Variants in AMMECR1 observed in about 807,000 individuals in gnomAD.
The protein encoded by AMMECR1 is AMMECR nuclear protein 1.
In AMMECR1, 3 loss-of-function variants were observed where a neutral mutation model predicts 22.5. The observed-to-expected ratio is 0.13, with a 90% CI of 0.06 to 0.35. The LOEUF (loss-of-function observed/expected upper bound fraction) is 0.35, where lower values mean the gene tolerates loss of function less well. AMMECR1 is among the 10% of genes least tolerant of loss of function. The pLI is 1.00. For synonymous variants in AMMECR1, 130 were observed against 116.7 expected (o/e 1.11, Z -0.74); for missense variants, 235 against 278.7 (o/e 0.84, Z 1.12).
intron 1 of AMMECR1, among the ~76,000 whole-genome samples, chrX:110,437,231 G>T (rs192574823): frequency 8.9e-6 from 1 of 111,971 alleles, no homozygotes; most frequent in East Asian, 2.8e-4. Context: ...GCAGTTGTGA[G>T]ACTTGCACTG....
intron 2 of AMMECR1, among the ~76,000 whole-genome samples, chrX:110,368,896 C>G (rs2068316777): frequency 8.9e-6 from 1 of 111,890 alleles, no homozygotes; most frequent in South Asian, 3.8e-4. Context: ...TATCCTTCAT[C>G]ATCTGCAGCA....
intron 2 of AMMECR1, among the ~76,000 whole-genome samples, chrX:110,334,811 T>C (rs767835172): frequency 8.9e-6 from 1 of 112,205 alleles, no homozygotes; most frequent in Admixed American, 9.4e-5. Context: ...TGATGCCTCA[T>C]GTTCTGGACC....
chrX:110,223,840 A>T (rs2067517333), intron 2 of AMMECR1, among the ~76,000 whole-genome samples: 1 of 111,967 alleles, frequency 8.9e-6, no homozygotes, highest in Non-Finnish European at 1.9e-5. Context: ...CTAGAACATA[A>T]CATATTACAA....
At chrX:110,395,779 T>A (rs142682211) in intron 2 of AMMECR1, among the ~76,000 whole-genome samples, 6,050 of 110,735 alleles carry the variant, frequency 0.055, 406 homozygotes, top group African/African-American at 0.19. Flanking sequence ...GGGACCTACA[T>A]GAGTTGCCCA....
At chrX:110,232,233 A>T (rs748722313) in intron 2 of AMMECR1, among the ~76,000 whole-genome samples, 1 of 111,894 alleles carries the variant, frequency 8.9e-6, no homozygotes, top group South Asian at 3.8e-4. Context: ...GCACTACATC[A>T]CACTTATTCT....
At chrX:110,283,976 G>C (rs1438888289) in intron 1 of AMMECR1, among the ~76,000 whole-genome samples, 1 of 110,521 alleles carries the variant, frequency 9.0e-6, no homozygotes, top group Admixed American at 9.6e-5. Context: ...ACAAAAATTA[G>C]CTGGGCGTGG....
intron 2 of AMMECR1, among the ~76,000 whole-genome samples, chrX:110,340,015 C>T (rs1174853848): frequency 9.3e-6 from 1 of 108,105 alleles, no homozygotes; most frequent in African/African-American, 3.4e-5. Flanking sequence ...CACACACACA[C>T]ACACAACATA....
At chrX:110,350,120 T>C (rs940796668) in intron 2 of AMMECR1, among the ~76,000 whole-genome samples, 12 of 112,312 alleles carry the variant, frequency 1.1e-4, no homozygotes, top group African/African-American at 3.9e-4. Context: ...TGAAGTGAAA[T>C]GTTCCCAGTT....
Position 110,342,384 on chromosome X carries a change from T to C in AMMECR1, c.-147-24535A>G, listed in dbSNP as rs1319937378. On this transcript the variant is annotated intron_variant, in intron 2 of 7. Transcript: ENST00000372057. ...ATACATTAAAATGAATATTCTTTTT[T>C]TTTTGAGACAGAGTCTCACTCTGTC... Among the ~76,000 whole-genome samples the C allele has an allele frequency of 4.5e-5, 5 of 110,913 alleles. No homozygotes were observed. The South Asian group carries it at 1.2e-3, about 26-fold the overall frequency.
chrX:110,383,889 T>C (rs1314212153), intron 2 of AMMECR1, among the ~76,000 whole-genome samples: 5 of 112,160 alleles, frequency 4.5e-5, no homozygotes, highest in African/African-American at 1.6e-4. Flanking sequence ...TTTGAGTTCT[T>C]ACTCTGCCAC....
rs985681637 is a variant in AMMECR1 at position 110,197,257 on chromosome X, G to A, written c.*1263C>T. The A allele has an allele frequency of 8.9e-6, 1 of 112,187 alleles. No homozygotes were observed. The highest frequency in any genetic ancestry group is 3.2e-5 in the African/African-American group (1 of 30,837). 9.2% of individuals were successfully genotyped at this position (112,187 alleles called of 1,213,427 possible). ...AATGTGTTTCTATCAAAAGTATGTA[G>A]TGCAGAAAGAAATTCAAGCTATTTT... On this transcript the variant is annotated 3_prime_UTR_variant, in exon 6 of 6. Coordinates refer to ENST00000262844, the MANE Select transcript of AMMECR1 (RefSeq NM_015365.3).
intron 2 of AMMECR1, among the ~76,000 whole-genome samples, chrX:110,416,348 G>A (rs750272550): frequency 8.0e-5 from 9 of 112,349 alleles, no homozygotes; most frequent in African/African-American, 2.9e-4. Flanking sequence ...ACGAACCGTT[G>A]TTTAATGTTT....
intron 2 of AMMECR1, among the ~76,000 whole-genome samples, chrX:110,396,181 G>C (rs2068527177): frequency 1.8e-5 from 2 of 110,403 alleles, no homozygotes; most frequent in Admixed American, 9.6e-5. Context: ...CGAATGAATG[G>C]GGCTGAACCC....
intron 2 of AMMECR1, among the ~76,000 whole-genome samples, chrX:110,326,676 G>T (rs776901429): frequency 8.9e-6 from 1 of 112,025 alleles, no homozygotes; most frequent in Admixed American, 9.5e-5. Context: ...TGAGGTGCAG[G>T]AGTGGATCAT....
At chrX:110,376,478 T>A (rs2068377438) in intron 2 of AMMECR1, among the ~76,000 whole-genome samples, 1 of 111,474 alleles carries the variant, frequency 9.0e-6, no homozygotes, top group Non-Finnish European at 1.9e-5. Flanking sequence ...TAAGGGAGCA[T>A]CCCAAGGTAG....
At chrX:110,432,229 A>G (rs2068802199) in intron 1 of AMMECR1, among the ~76,000 whole-genome samples, 1 of 112,228 alleles carries the variant, frequency 8.9e-6, no homozygotes, top group Non-Finnish European at 1.9e-5. Context: ...CTGCATCTGT[A>G]TCTCAGCCAG....
At chrX:110,346,855 G>C in intron 2 of AMMECR1, 1 of 653,083 alleles carries the variant, frequency 1.5e-6, no homozygotes, top group Non-Finnish European at 2.6e-6. Context: ...CCGGCCTCCA[G>C]CTGGAGCTGT....
intron 2 of AMMECR1, among the ~76,000 whole-genome samples, chrX:110,411,066 TATAAGCAGCAGAGCTGCCATGG>T (rs1446432536): frequency 3.6e-5 from 4 of 112,494 alleles, no homozygotes; most frequent in African/African-American, 1.3e-4. Flanking sequence ...TCTTCCTATT[TATAAGCAGCAGAGCTGCCATGG>T]GTCACTGCAC....
In AMMECR1 at chrX:110,357,037, TTTCTTCAAACTAA is replaced by T. The variant is rs1164876425; in HGVS notation, c.-147-39201_-147-39189del. ...TTCAAAATTCTTCATTTCTTTCTTC[TTTCTTCAAACTAA>T]TTCATTAGTTTGAATTTTGCAAATA... On this transcript the variant is annotated intron_variant, in intron 2 of 7. Transcript: ENST00000372057. Among the ~76,000 whole-genome samples the T allele has an allele frequency of 2.3e-3, 254 of 112,273 alleles. 1 individual carries two copies. The highest frequency in any genetic ancestry group is 3.6e-3 in the Non-Finnish European group (193 of 53,211).
Sources: allele counts gnomAD v4.1 joint callset (sites outside exome capture counted in the v4.1 genomes callset), GRCh38; gene constraint gnomAD v4.1.1; transcripts MANE v1.5; gene names NCBI Gene and HGNC (gene_info 2026-07-23, HGNC 2026-07-21).